SLC22A12: variants seen among roughly 807,000 people sequenced by gnomAD.
The protein encoded by SLC22A12 is solute carrier family 22 member 12.
Under a neutral mutation model 52.7 loss-of-function variants are expected in SLC22A12, and 56 were observed. That is an observed-to-expected ratio of 1.06 (90% CI 0.86 to 1.33). The LOEUF is 1.33. Among genes scored for constraint, SLC22A12 ranks in the 40% most tolerant of loss-of-function variants. SLC22A12 has a pLI of 0.00. For synonymous variants in SLC22A12, 337 were observed against 324.6 expected (o/e 1.04, Z -0.41); for missense variants, 683 against 741.5 (o/e 0.92, Z 0.92).
chr11:64,596,223 A>G (rs533091345), intron 4 of SLC22A12, among the ~76,000 whole-genome samples: 4 of 143,902 alleles, frequency 2.8e-5, no homozygotes, highest in African/African-American at 7.8e-5. Flanking sequence ...GAATGGATGG[A>G]TGCATGGATG....
At chr11:64,596,230 G>GATGGGTGGATGGATGGA (rs2039214874) in intron 4 of SLC22A12, among the ~76,000 whole-genome samples, 1 of 34,994 alleles carries the variant, frequency 2.9e-5, no homozygotes, top group South Asian at 9.6e-4. Context: ...TGGATGCATG[G>GATGGGTGGATGGATGGA]ATGGATGGAT....
chr11:64,601,278 C>A (rs959110379), intron 9 of SLC22A12, among the ~76,000 whole-genome samples: 1 of 152,096 alleles, frequency 6.6e-6, no homozygotes, highest in African/African-American at 2.4e-5. Flanking sequence ...TGGGGGCCCT[C>A]GCAGGCCCCA....
At position 64,595,351 on chromosome 11, in the gene SLC22A12, ATGG is replaced by A. The variant is rs2039121743; in HGVS notation, c.830+1549_830+1551del. The stretch of plus-strand genomic sequence containing the variant: ...GATGGATGGTTGAATGGATGGTTGA[ATGG>A]ATGGATGGATGGATGGATGGATGGA... On this transcript the variant is annotated intron_variant, in intron 4 of 9. Transcript: ENST00000377574. 3.0e-3 allele frequency among the ~76,000 whole-genome samples: 6 copies of A among 2,016 alleles called. No individual in the cohort carries two copies. The Admixed American group carries it at 0.04, about 13-fold the overall frequency. The allele number at this position is 2,016 out of a possible 152,430, so 1.3% of individuals were successfully genotyped here. A position where few individuals can be genotyped will look rare whatever the true frequency, so the allele number is the denominator to read the frequency against.
Position 64,600,957 on chromosome 11 carries a change from G to A in SLC22A12, c.1598+19G>A, listed in dbSNP as rs759886911. 8.7e-6 allele frequency: 14 copies of A among 1,603,720 alleles called. No individual in the cohort carries two copies. The highest frequency in any genetic ancestry group is 1.2e-5 in the Non-Finnish European group (14 of 1,179,886). On this transcript the variant is annotated intron_variant, in intron 9 of 9. Coordinates refer to ENST00000377574, the MANE Select transcript of SLC22A12 (RefSeq NM_144585.4). ...AGAACCAGTGAGTGGACCCAGCCTC[G>A]GGACCACCCCTCCCTCCCACCAGAG...
chr11:64,598,665 G>C, intron 5 of SLC22A12, 26 bp downstream of exon 5: 1 of 1,605,568 alleles, frequency 6.2e-7, no homozygotes, highest in Non-Finnish European at 8.5e-7. Context: ...CCTCAAACCC[G>C]GACCCTCAGA....
rs1240995488 is a variant in SLC22A12, at chr11:64,601,987, G to C, written c.*436G>C. On this transcript the variant is annotated 3_prime_UTR_variant, in exon 10 of 10. Coordinates refer to ENST00000377574, the MANE Select transcript of SLC22A12 (RefSeq NM_144585.4). ...GCTCCACACAAGCAGTAGAGTCTCA[G>C]CTCCACAGCTTTACCCAGAAGCCCT... 1 of 296,346 alleles carries C rather than the reference G, an allele frequency of 3.4e-6. No individual in the cohort carries two copies. The highest frequency in any genetic ancestry group is 8.3e-5 in the East Asian group (1 of 12,058). 18.4% of individuals were successfully genotyped at this position (296,346 alleles called of 1,614,324 possible).
rs775608110 is a variant in SLC22A12 at position 64,592,786 on chromosome 11, T to C, written c.410T>C (p.Leu137Pro). 1 of 1,613,526 alleles carries C rather than the reference T, an allele frequency of 6.2e-7. No individual in the cohort carries two copies. Among genetic ancestry groups the C allele is most frequent in the Non-Finnish European group, 8.5e-7 (1 of 1,179,752 alleles). ...FTSTIVAKWNLVCDSHALKPM... is the reference protein window; with the variant it reads ...FTSTIVAKWNPVCDSHALKPM... ...CTCCTCCTCTCCCATCAGTGGAACC[T>C]CGTGTGTGACTCTCATGCTCTGAAG... Residue 137 changes from leucine (L) to proline (P), a missense_variant, in exon 2 of 10, where the codon CTC becomes CCC. By Grantham distance (98) the Leu-to-Pro change is moderately conservative. Coordinates refer to ENST00000377574, the MANE Select transcript of SLC22A12 (RefSeq NM_144585.4).
intron 6 of SLC22A12, among the ~76,000 whole-genome samples, 182 bp from the exon 7 acceptor site, chr11:64,599,494 G>A (rs1254908818): frequency 2.6e-5 from 4 of 152,108 alleles, no homozygotes; most frequent in Admixed American, 6.5e-5. Flanking sequence ...CTGGCAAGGG[G>A]ACCTGATAAA....
At chr11:64,594,671 A>AGATG (rs1241137479) in intron 4 of SLC22A12, among the ~76,000 whole-genome samples, 1 of 145,538 alleles carries the variant, frequency 6.9e-6, no homozygotes, top group African/African-American at 2.5e-5. Context: ...TGGTTGGAAT[A>AGATG]GATGGATGGA....
chr11:64,601,864 A>G lies in SLC22A12; in HGVS notation c.*313A>G, dbSNP rs1180929494. 5.0e-6 allele frequency: 2 copies of G among 400,606 alleles called. No homozygotes were observed. The highest frequency in any genetic ancestry group is 9.5e-6 in the Non-Finnish European group (2 of 210,310). 24.8% of individuals were successfully genotyped at this position (400,606 alleles called of 1,614,324 possible). ...CCAGGGGAACGAGCTGGCCTTGCCA[A>G]CCCTCTGCTTGACTCCGCACTGCCA... On this transcript the variant is annotated 3_prime_UTR_variant, in exon 10 of 10. Coordinates refer to ENST00000377574, the MANE Select transcript of SLC22A12 (RefSeq NM_144585.4).
chr11:64,591,868 G>A lies in SLC22A12; in HGVS notation c.312G>A (p.Thr104=), dbSNP rs746354755. The change falls in exon 1 of 10, where the codon ACG becomes ACA. Residue 104 remains threonine (T), a synonymous_variant. Coordinates refer to ENST00000377574, the MANE Select transcript of SLC22A12 (RefSeq NM_144585.4). ...GGCAGCTCTTGGACCCCAATGCCAC[G>A]GCCACCAGCTGGAGCGAGGCCGACA... ...PQWQLLDPNA[T]ATSWSEADTE... is the part of the protein sequence containing the mutation. 58 of 1,612,488 alleles carry A rather than the reference G, an allele frequency of 3.6e-5. 1 individual carries two copies. The highest frequency in any genetic ancestry group is 1.6e-4 in the African/African-American group (12 of 75,036).
At chr11:64,601,045 C>G (rs1345041874) in intron 9 of SLC22A12, 107 bp downstream of exon 9, 1 of 1,409,846 alleles carries the variant, frequency 7.1e-7, no homozygotes, top group African/African-American at 1.4e-5. Context: ...GAAGCAGAGG[C>G]CCAGACAGAT....
In SLC22A12 at chr11:64,591,894, C is replaced by T. The variant is rs542473712; in HGVS notation, c.338C>T (p.Thr113Met). 1.9e-5 allele frequency: 31 copies of T among 1,612,644 alleles called. No individual in the cohort carries two copies. Among genetic ancestry groups the T allele is most frequent in the African/African-American group, 1.6e-4 (12 of 75,048 alleles). ...GCCACCAGCTGGAGCGAGGCCGACACGGAGCCGTGTGTGGATGGCTGGGTC... is the reference window on the plus strand; with the variant it reads ...GCCACCAGCTGGAGCGAGGCCGACATGGAGCCGTGTGTGGATGGCTGGGTC... ...ATATSWSEAD[T>M]EPCVDGWVYD... The change falls in exon 1 of 10, where the codon ACG becomes ATG. Residue 113 changes from threonine (T) to methionine (M), a missense_variant. By Grantham distance (81) the Thr-to-Met change is moderately conservative. Coordinates refer to ENST00000377574, the MANE Select transcript of SLC22A12 (RefSeq NM_144585.4).
rs1471065633 is a variant in SLC22A12, at chr11:64,591,551, G to A, written c.-6G>A. The A allele has an allele frequency of 1.9e-6, 3 of 1,611,150 alleles. No individual in the cohort carries two copies. The highest frequency in any genetic ancestry group is 1.1e-5 in the South Asian group (1 of 91,076). Reference sequence around the variant, plus strand: ...GCCCCTCTTCTGGGCCCCTTGAGTAGGTTCCATGGCATTTTCTGAACTCCT... The same window carrying A: ...GCCCCTCTTCTGGGCCCCTTGAGTAAGTTCCATGGCATTTTCTGAACTCCT... On this transcript the variant is annotated 5_prime_UTR_variant, in exon 1 of 10. Transcript: ENST00000377574.
At chr11:64,595,537 GGAAT>G (rs1476396707) in intron 4 of SLC22A12, among the ~76,000 whole-genome samples, 1 of 23,700 alleles carries the variant, frequency 4.2e-5, no homozygotes, top group African/African-American at 5.8e-5. Context: ...ATGGATGGTT[GGAAT>G]GGATGGATGG....
rs761277987 is a variant in SLC22A12, at chr11:64,591,729, C to T, written c.173C>T (p.Thr58Met). Residue 58 changes from threonine (T) to methionine (M), a missense_variant, in exon 1 of 10, where the codon ACG becomes ATG. Thr to Met is a moderately conservative substitution (Grantham distance 81). Coordinates refer to ENST00000377574, the MANE Select transcript of SLC22A12 (RefSeq NM_144585.4). ...TGGGCACCCCTCCTGGACAACAGCACGGCTCAGGCCAGCATCCTAGGGAGC... is the reference window on the plus strand; with the variant it reads ...TGGGCACCCCTCCTGGACAACAGCATGGCTCAGGCCAGCATCCTAGGGAGC... ...RCWAPLLDNS[T>M]AQASILGSLS... 8.1e-6 allele frequency: 13 copies of T among 1,612,580 alleles called. No homozygotes were observed. The highest frequency in any genetic ancestry group is 5.5e-5 in the South Asian group (5 of 91,092).
At chr11:64,599,608 T>TTCCCCCCCC in intron 6 of SLC22A12, 68 bp from the exon 7 acceptor site, 1 of 201,998 alleles carries the variant, frequency 5.0e-6, no homozygotes, top group Non-Finnish European at 8.9e-6. Flanking sequence ...CCGCCCATTG[T>TTCCCCCCCC]TCCCACCCTG....
chr11:64,598,644 G>C lies in SLC22A12; in HGVS notation c.954+5G>C. The C allele has an allele frequency of 1.2e-6, 2 of 1,609,886 alleles. No homozygotes were observed. The highest frequency in any genetic ancestry group is 1.7e-6 in the Non-Finnish European group (2 of 1,178,640). On this transcript the variant is annotated splice_donor_5th_base_variant and intron_variant, in intron 5 of 9. Coordinates refer to ENST00000377574, the MANE Select transcript of SLC22A12 (RefSeq NM_144585.4). ...CAGGACACCCTGACCCCTGAGGTAA[G>C]GCTGGGTCCTCCTCAAACCCGGACC... is the stretch of plus-strand genomic sequence containing the variant.
At chr11:64,597,288 C>T (rs2039277274) in intron 4 of SLC22A12, among the ~76,000 whole-genome samples, 1 of 152,108 alleles carries the variant, frequency 6.6e-6, no homozygotes, top group Non-Finnish European at 1.5e-5. Context: ...CAGCCTCACC[C>T]CTGCCTGCAG....
Sources: gnomAD v4.1 joint callset for allele counts (sites outside exome capture counted in the v4.1 genomes callset) on GRCh38, gnomAD v4.1.1 for gene constraint, MANE v1.5 for transcripts, NCBI Gene and HGNC (gene_info 2026-07-23, HGNC 2026-07-21) for gene names.